The following GSTZ1 variants were observed in gnomAD, a reference collection of about 807,000 sequenced individuals.
The protein encoded by GSTZ1 is glutathione S-transferase zeta 1.
GSTZ1 carries 34 observed loss-of-function variants against 35.9 expected under a neutral mutation model. The observed-to-expected ratio is 0.95, with a 90% CI of 0.72 to 1.26. The LOEUF (loss-of-function observed/expected upper bound fraction) is 1.26. GSTZ1 is among the 50% of genes most tolerant of loss of function. GSTZ1 has a pLI of 0.00. For missense variants in GSTZ1, 263 were observed against 271.7 expected (o/e 0.97, Z 0.23); for synonymous variants, 93 against 101.2 (o/e 0.92, Z 0.49).
intron 8 of GSTZ1, 31 bp downstream of exon 8, chr14:77,330,390 C>G: frequency 6.4e-7 from 1 of 1,568,122 alleles, no homozygotes; most frequent in South Asian, 1.1e-5. Context: ...CCTCCCTTCT[C>G]GTGGCTCTGC....
chr14:77,321,427 C>T (rs1312402781), intron 1 of GSTZ1: 6 of 1,525,962 alleles, frequency 3.9e-6, no homozygotes, highest in Non-Finnish European at 5.3e-6. Context: ...GAGTCGCTGT[C>T]CGGTCGCGCT....
At chr14:77,327,714 G>A (rs1892401580) in intron 4 of GSTZ1, 162 bp downstream of exon 4, 1 of 727,386 alleles carries the variant, frequency 1.4e-6, no homozygotes, top group African/African-American at 1.8e-5. Flanking sequence ...GAAAATAAGG[G>A]AAGATTCAAG....
chr14:77,330,942 C>T, intron 8 of GSTZ1, 127 bp from the exon 9 acceptor site: 2 of 803,752 alleles, frequency 2.5e-6, no homozygotes. Flanking sequence ...AAGGGCTGCC[C>T]CATCGTCCTT....
chr14:77,330,617 C>G (rs926487508), intron 8 of GSTZ1, among the ~76,000 whole-genome samples: 3 of 152,178 alleles, frequency 2.0e-5, no homozygotes, highest in African/African-American at 7.2e-5. Context: ...GGTGGACCCC[C>G]AAGAGCACCT....
intron 2 of GSTZ1, chr14:77,325,297 CG>C (rs1489912414): frequency 3.7e-6 from 1 of 268,856 alleles, no homozygotes; most frequent in African/African-American, 2.2e-5. Flanking sequence ...GCAAACAGAA[CG>C]GGCCAGCATC....
At chr14:77,329,343 C>T (rs1302609253) in intron 6 of GSTZ1, 142 bp downstream of exon 6, 1 of 679,178 alleles carries the variant, frequency 1.5e-6, no homozygotes, top group African/African-American at 1.8e-5. Context: ...ACTGGGGAGG[C>T]AATGGGCTGG....
chr14:77,328,883 A>G (rs896829892), intron 5 of GSTZ1: 27 of 574,132 alleles, frequency 4.7e-5, no homozygotes, highest in Non-Finnish European at 8.1e-5. Context: ...CACATCTCTG[A>G]CAGAATCACG....
In GSTZ1 at chr14:77,329,821, A is replaced by G; in HGVS notation, c.474+14A>G. ...GTAGGAGACGAGGTAAGCTGTCCCC[A>G]GACCTCCCCAGGCCCAGCCACAGTG... On this transcript the variant is annotated intron_variant, in intron 7 of 8. Coordinates refer to ENST00000216465, the MANE Select transcript of GSTZ1 (RefSeq NM_145870.3). 6.2e-7 allele frequency: 1 copy of G among 1,604,364 alleles called. No homozygotes were observed. The highest frequency in any genetic ancestry group is 1.1e-5 in the South Asian group (1 of 90,868).
At chr14:77,321,395 G>T in intron 1 of GSTZ1, 2 of 1,529,756 alleles carry the variant, frequency 1.3e-6, no homozygotes, top group Non-Finnish European at 8.7e-7. Context: ...GGCGGTCCTG[G>T]TAGGGAGTGC....
At position 77,326,909 on chromosome 14, in the gene GSTZ1, A is replaced by C. The variant is rs768806789; in HGVS notation, c.135+4A>C. On this transcript the variant is annotated splice_donor_region_variant and intron_variant, in intron 3 of 8. Coordinates refer to ENST00000216465, the MANE Select transcript of GSTZ1 (RefSeq NM_145870.3). ...CATAAAGGATGGGGGCCAACAGGTAAGAAGGCTGTGCCCAGACCACAATGT... is the reference window on the plus strand; with the variant it reads ...CATAAAGGATGGGGGCCAACAGGTACGAAGGCTGTGCCCAGACCACAATGT... 1 of 1,594,566 alleles carries C rather than the reference A, an allele frequency of 6.3e-7. No individual in the cohort carries two copies. Among genetic ancestry groups the C allele is most frequent in the Non-Finnish European group, 8.6e-7 (1 of 1,166,680 alleles).
In GSTZ1 at chr14:77,327,946, C is replaced by G. The variant is rs753221083; in HGVS notation, c.251C>G (p.Pro84Arg). 3 of 1,613,778 alleles carry G rather than the reference C, an allele frequency of 1.9e-6. No homozygotes were observed. The highest frequency in any genetic ancestry group is 2.5e-6 in the Non-Finnish European group (3 of 1,179,760). The change falls in exon 5 of 9, where the codon CCC (proline) becomes CGC (arginine). Residue 84 changes from proline to arginine, a missense_variant. Physicochemically the swap from Pro to Arg is moderately radical, Grantham distance 103. Transcript: ENST00000216465. ...ATTGAGTATCTAGAGGAGATGCGTC[C>G]CACTCCGCGACTTCTGCCTCAGGAC... ...AIIEYLEEMR[P>R]TPRLLPQDPK...
rs1208042039 is a variant in GSTZ1, at chr14:77,330,400, C to T, written c.524+41C>T. On this transcript the variant is annotated intron_variant, in intron 8 of 8. Coordinates refer to ENST00000216465, the MANE Select transcript of GSTZ1 (RefSeq NM_145870.3). ...GCCACCCTCCCTTCTCGTGGCTCTG[C>T]CCACAGTCAGGCCCCACTCAGCTGG... is the stretch of plus-strand genomic sequence containing the variant. 4 of 1,513,632 alleles carry T rather than the reference C, an allele frequency of 2.6e-6. No individual in the cohort carries two copies. In the East Asian group the frequency reaches 6.8e-5, roughly 26 times the overall value. 93.8% of individuals were successfully genotyped at this position (1,513,632 alleles called of 1,614,324 possible).
At chr14:77,324,152 CTTTTTTTT>C (rs11287763) in intron 1 of GSTZ1, 1 of 117,122 alleles carries the variant, frequency 8.5e-6, no homozygotes, top group South Asian at 2.4e-4. Context: ...AAAAAAATGC[CTTTTTTTT>C]TTTTTTTTTT....
chr14:77,327,627 C>A, intron 4 of GSTZ1, 75 bp downstream of exon 4: 1 of 999,600 alleles, frequency 1.0e-6, no homozygotes, highest in Non-Finnish European at 1.6e-6. Context: ...CTCTTCCTCG[C>A]CTGTGTACAG....
At chr14:77,329,244 G>T (rs769429129) in intron 6 of GSTZ1, 43 bp downstream of exon 6, 1 of 1,280,668 alleles carries the variant, frequency 7.8e-7, no homozygotes, top group Non-Finnish European at 1.1e-6. Flanking sequence ...TGGCCTCTTA[G>T]AGGTATGGCC....
chr14:77,329,964 G>T, intron 7 of GSTZ1, 157 bp downstream of exon 7: 1 of 669,538 alleles, frequency 1.5e-6, no homozygotes, highest in East Asian at 2.7e-5. Context: ...GTCTTAAGAG[G>T]GAGTTACTCA....
chr14:77,329,413 C>T (rs569460981), intron 6 of GSTZ1: 5 of 602,750 alleles, frequency 8.3e-6, no homozygotes, highest in Non-Finnish European at 1.5e-5. Flanking sequence ...AGCCCACAGC[C>T]CTTCATAGCT....
At chr14:77,321,658 C>G (rs1182561127) in intron 1 of GSTZ1, 1 of 466,686 alleles carries the variant, frequency 2.1e-6, no homozygotes, top group Non-Finnish European at 3.3e-6. Context: ...CCGAGGCGGG[C>G]GGATCACAAG....
chr14:77,321,474 AC>A (rs1350341459), intron 1 of GSTZ1: 1 of 1,482,582 alleles, frequency 6.7e-7, no homozygotes, highest in Non-Finnish European at 9.0e-7. Flanking sequence ...CCCATAACAG[AC>A]CCCTCCCTCC....
Sources: gnomAD v4.1 joint callset for allele counts (sites outside exome capture counted in the v4.1 genomes callset) on GRCh38, gnomAD v4.1.1 for gene constraint, MANE v1.5 for transcripts, NCBI Gene and HGNC (gene_info 2026-07-23, HGNC 2026-07-21) for gene names.